Variants in LRRC37A2 observed in about 807,000 individuals in gnomAD.
LRRC37A2 encodes the protein leucine rich repeat containing 37 member A2.
A neutral mutation model predicts 68.8 loss-of-function variants in LRRC37A2; 9 were observed. The observed-to-expected ratio is 0.13, with a 90% confidence interval of 0.08 to 0.23. The LOEUF is 0.23. Among genes scored for constraint, LRRC37A2 ranks in the 10% least tolerant of loss-of-function variants. The probability of loss-of-function intolerance (pLI) is 1.00; values close to 1 mark genes in which losing one functional copy is unlikely to be tolerated. For synonymous variants in LRRC37A2, 63 were observed against 367.6 expected (o/e 0.17, Z 9.48); for missense variants, 168 against 950.4 (o/e 0.18, Z 10.82).
the LRRC37A2 span, among the ~76,000 whole-genome samples, chr17:46,819,267 G>C: frequency 6.6e-6 from 1 of 152,200 alleles, no homozygotes; most frequent in Non-Finnish European, 1.5e-5. The surrounding 1 kb of genome is among the most constrained non-coding windows in gnomAD (Gnocchi z 5.3). Context: ...TCACTTCCCG[G>C]GTGTCCGAGG....
At chr17:46,539,143 G>A (rs1418873441) in intron 6 of LRRC37A2, among the ~76,000 whole-genome samples, 3 of 69,958 alleles carry the variant, frequency 4.3e-5, no homozygotes, top group Non-Finnish European at 7.4e-5. Context: ...CCTGGGAGGC[G>A]GAGATTGCAG....
At chr17:46,978,598 G>C in the LRRC37A2 span, 4 of 1,536,470 alleles carry the variant, frequency 2.6e-6, no homozygotes, top group Non-Finnish European at 3.5e-6. Flanking sequence ...CCGGGTCTCC[G>C]GGGTCCTTCT....
chr17:46,901,935 G>C, the LRRC37A2 span, among the ~76,000 whole-genome samples: 1 of 151,466 alleles, frequency 6.6e-6, no homozygotes, highest in East Asian at 1.9e-4. Flanking sequence ...AGCCTACCGA[G>C]TAGTTGGGAT....
At chr17:46,877,834 T>A in the LRRC37A2 span, among the ~76,000 whole-genome samples, 9 of 152,184 alleles carry the variant, frequency 5.9e-5, no homozygotes, top group Non-Finnish European at 1.2e-4. Context: ...TGGCTGGGGT[T>A]ATAGGTGCTT....
the LRRC37A2 span, among the ~76,000 whole-genome samples, chr17:46,716,282 A>G: frequency 1.4e-5 from 2 of 142,806 alleles, no homozygotes; most frequent in East Asian, 4.0e-4. Flanking sequence ...TTTGAGATGG[A>G]GTCTTGCTCT....
At chr17:46,751,636 G>A in the LRRC37A2 span, 259 of 1,486,712 alleles carry the variant, frequency 1.7e-4, 1 homozygote, top group Admixed American at 4.9e-4. Flanking sequence ...TTCGTTCTCC[G>A]TATGACTCAG....
the LRRC37A2 span, among the ~76,000 whole-genome samples, chr17:46,943,209 G>A: frequency 1.3e-5 from 2 of 152,144 alleles, no homozygotes; most frequent in Admixed American, 6.5e-5. Flanking sequence ...CCAACTAGGG[G>A]CAGGGATGGA....
At chr17:46,843,387 A>G in the LRRC37A2 span, among the ~76,000 whole-genome samples, 1 of 152,132 alleles carries the variant, frequency 6.6e-6, no homozygotes, top group Non-Finnish European at 1.5e-5. Context: ...CGTTTGTGTG[A>G]CTAATTAGGA....
the LRRC37A2 span, among the ~76,000 whole-genome samples, chr17:47,015,810 G>A: frequency 6.6e-6 from 1 of 151,958 alleles, no homozygotes; most frequent in Non-Finnish European, 1.5e-5. Context: ...AACCCACCAA[G>A]GAGACTTCAA....
the LRRC37A2 span, among the ~76,000 whole-genome samples, chr17:46,860,900 C>A: frequency 3.2e-4 from 49 of 152,228 alleles, no homozygotes; most frequent in African/African-American, 1.2e-3. Flanking sequence ...GCTCTGTCAC[C>A]CAGACTAGAG....
At chr17:46,854,075 A>G in the LRRC37A2 span, among the ~76,000 whole-genome samples, 1 of 152,164 alleles carries the variant, frequency 6.6e-6, no homozygotes, top group South Asian at 2.1e-4. Context: ...GACAAAAGAC[A>G]CAAAAGCCAC....
chr17:46,525,511 C>T (rs1344329060), intron 6 of LRRC37A2, among the ~76,000 whole-genome samples: 1 of 111,492 alleles, frequency 9.0e-6, no homozygotes, highest in Non-Finnish European at 2.0e-5. Context: ...CACTTGAAAC[C>T]AGGAGGCGGA....
chr17:46,931,863 T>C, the LRRC37A2 span: 1 of 611,120 alleles, frequency 1.6e-6, no homozygotes, highest in African/African-American at 1.8e-5. Context: ...GAATCTTGTG[T>C]GCTACCATCT....
the LRRC37A2 span, chr17:46,941,421 T>G: frequency 1.0e-5 from 10 of 984,326 alleles, no homozygotes; most frequent in Non-Finnish European, 7.2e-6. Flanking sequence ...CCCCTTTTTT[T>G]ATGTTTCTAG....
the LRRC37A2 span, chr17:46,875,054 C>G: frequency 3.7e-6 from 6 of 1,613,116 alleles, no homozygotes; most frequent in Non-Finnish European, 4.2e-6. Flanking sequence ...CTCCTTTCCT[C>G]TCTTCCCCCT....
chr17:46,963,158 T>G, the LRRC37A2 span, among the ~76,000 whole-genome samples: 1 of 152,250 alleles, frequency 6.6e-6, no homozygotes, highest in Non-Finnish European at 1.5e-5. Context: ...TCATGATGTC[T>G]ATATGAGCAC....
At chr17:47,023,455 C>T in the LRRC37A2 span, among the ~76,000 whole-genome samples, 3 of 152,094 alleles carry the variant, frequency 2.0e-5, no homozygotes, top group African/African-American at 4.8e-5. Context: ...GGGAGGTAGG[C>T]GGATCACCTG....
chr17:46,929,419 T>G, the LRRC37A2 span: 1 of 750,446 alleles, frequency 1.3e-6, no homozygotes, highest in Non-Finnish European at 2.4e-6. Context: ...ATGCTGTCGA[T>G]TTAAATCAGT....
At chr17:46,738,347 A>G in the LRRC37A2 span, among the ~76,000 whole-genome samples, 7 of 152,362 alleles carry the variant, frequency 4.6e-5, no homozygotes, top group East Asian at 1.2e-3. Context: ...ATAGAAATTC[A>G]TAAGAAATTA....
Sources: gnomAD v4.1 joint callset for allele counts (sites outside exome capture counted in the v4.1 genomes callset) on GRCh38, gnomAD v4.1.1 for gene constraint, Gnocchi (gnomAD v3.1) non-coding constraint, MANE v1.5 for transcripts, NCBI Gene and HGNC (gene_info 2026-07-23, HGNC 2026-07-21) for gene names.